Variants in VIPR2 observed in about 807,000 individuals in gnomAD.
VIPR2 encodes vasoactive intestinal peptide receptor 2, also known as vasoactive intestinal polypeptide receptor 2.
Under a neutral mutation model 58.0 loss-of-function variants are expected in VIPR2, and 48 were observed. That is an observed-to-expected ratio of 0.83 (90% CI 0.66 to 1.05). The LOEUF (loss-of-function observed/expected upper bound fraction) is 1.05. Ranked by LOEUF, VIPR2 falls within the 50% of genes least tolerant of loss-of-function variation. VIPR2 has a pLI of 0.00. For synonymous variants in VIPR2, 243 were observed against 235.2 expected (o/e 1.03, Z -0.30); for missense variants, 534 against 558.0 (o/e 0.96, Z 0.43).
rs182381569 is a variant in VIPR2 at position 159,030,100 on chromosome 7, C to T, written c.*516G>A. On this transcript the variant is annotated 3_prime_UTR_variant, in exon 13 of 13. Coordinates refer to ENST00000262178, the MANE Select transcript of VIPR2 (RefSeq NM_003382.5). ...AGTGGCTCACGCCTTAATCCCAGCACTTTGGGAGGCCGAGGCGGGCCCATC... is the reference window on the plus strand; with the variant it reads ...AGTGGCTCACGCCTTAATCCCAGCATTTTGGGAGGCCGAGGCGGGCCCATC... 65 of 153,040 alleles carry T rather than the reference C, an allele frequency of 4.2e-4. No homozygotes were observed. The highest frequency in any genetic ancestry group is 7.1e-4 in the Non-Finnish European group (49 of 68,596). The allele number at this position is 153,040 out of a possible 1,614,324, so 9.5% of individuals were successfully genotyped here. A position where few individuals can be genotyped will look rare whatever the true frequency, so the allele number is the denominator to read the frequency against.
rs1351834094 is a variant in VIPR2, at chr7:159,058,410, G to T, written c.455+71C>A. 1.3e-5 allele frequency: 17 copies of T among 1,352,540 alleles called. No homozygotes were observed. In the South Asian group the frequency reaches 1.9e-4, roughly 15 times the overall value. The allele number at this position is 1,352,540 out of a possible 1,614,324, so 83.8% of individuals were successfully genotyped here. Reference sequence around the variant, plus strand: ...CACAGAGGGCTCCAGGCTGGGTGGCGCCTAGAAGGCCTAAATGGAAACTTT... The same window carrying T: ...CACAGAGGGCTCCAGGCTGGGTGGCTCCTAGAAGGCCTAAATGGAAACTTT... On this transcript the variant is annotated intron_variant, in intron 5 of 12. Transcript: ENST00000262178.
chr7:159,058,473 C>T lies in VIPR2; in HGVS notation c.455+8G>A. On this transcript the variant is annotated splice_region_variant and intron_variant, in intron 5 of 12. Coordinates refer to ENST00000262178, the MANE Select transcript of VIPR2 (RefSeq NM_003382.5). ...TTCTTTGCAGAATTACTAATTTCTG[C>T]TCCTTACCTGAAGAGGCACAGAATT... 1 of 1,609,398 alleles carries T rather than the reference C, an allele frequency of 6.2e-7. No homozygotes were observed. The highest frequency in any genetic ancestry group is 8.5e-7 in the Non-Finnish European group (1 of 1,175,994).
chr7:159,072,106 C>T (rs1856437641), intron 4 of VIPR2, among the ~76,000 whole-genome samples: 2 of 147,018 alleles, frequency 1.4e-5, no homozygotes, highest in South Asian at 2.1e-4. Context: ...GATGAAGGCA[C>T]GATGGTACCG....
intron 2 of VIPR2, among the ~76,000 whole-genome samples, chr7:159,139,930 A>G (rs1461430167): frequency 1.3e-5 from 2 of 152,402 alleles, no homozygotes; most frequent in East Asian, 3.9e-4. Context: ...GGAGTGCCTC[A>G]TACACATATC....
intron 4 of VIPR2, among the ~76,000 whole-genome samples, chr7:159,101,831 T>A (rs1379065132): frequency 7.2e-6 from 1 of 138,174 alleles, no homozygotes; most frequent in Non-Finnish European, 1.5e-5. Context: ...GTTCCTGTGG[T>A]AGTGAACGGG....
intron 2 of VIPR2, among the ~76,000 whole-genome samples, chr7:159,132,690 CG>C (rs563969926): frequency 6.6e-6 from 1 of 152,084 alleles, no homozygotes; most frequent in Non-Finnish European, 1.5e-5. Flanking sequence ...CATTCACGGA[CG>C]GGCTCATTCA....
At chr7:159,078,284 C>CT (rs1049653185) in intron 4 of VIPR2, among the ~76,000 whole-genome samples, 5 of 151,626 alleles carry the variant, frequency 3.3e-5, no homozygotes, top group African/African-American at 7.3e-5. Flanking sequence ...AACTAGTAAC[C>CT]TTTTTTTTTG....
chr7:159,096,874 C>A lies in VIPR2; in HGVS notation c.357+6883G>T. The A allele has an allele frequency of 6.5e-7, 1 of 1,547,606 alleles. No homozygotes were observed. The highest frequency in any genetic ancestry group is 8.7e-7 in the Non-Finnish European group (1 of 1,145,516). On this transcript the variant is annotated intron_variant, in intron 4 of 12. Coordinates refer to ENST00000262178, the MANE Select transcript of VIPR2 (RefSeq NM_003382.5). This position sits in a 1 kb window ranked among gnomAD's most constrained non-coding sequence, Gnocchi z 5.5. Reference sequence around the variant, plus strand: ...GCCGTACTGTGTCCATGGCTGAGACCACCCTCTCTGTGGCCGCCTTGCTGT... The same window carrying A: ...GCCGTACTGTGTCCATGGCTGAGACAACCCTCTCTGTGGCCGCCTTGCTGT...
intron 2 of VIPR2, among the ~76,000 whole-genome samples, chr7:159,112,950 G>T (rs946400960): frequency 5.3e-5 from 8 of 151,764 alleles, no homozygotes; most frequent in Non-Finnish European, 1.2e-4. Flanking sequence ...CCCAACCGAG[G>T]ACCCCGACTG....
chr7:159,034,359 T>G, intron 9 of VIPR2, 55 bp from the exon 10 acceptor site: 1 of 1,575,736 alleles, frequency 6.3e-7, no homozygotes, highest in African/African-American at 1.4e-5. Flanking sequence ...TAATTTGCCC[T>G]GAAGTCCACC....
rs756808763 is a variant in VIPR2, at chr7:159,030,748, C to T, written c.1185G>A (p.Pro395=). Residue 395 remains proline (P), a synonymous_variant, in exon 13 of 13, where the codon CCG becomes CCA. Transcript: ENST00000262178. ...TGTAATCCCGGCTCGCGGACGGGGT[C>T]GGGCACCGGCTTCGCCATTTTCGCT... ...ELKRKWRSRC[P]TPSASRDYRV... is the part of the protein sequence containing the mutation. 1.4e-5 allele frequency: 22 copies of T among 1,589,140 alleles called. No individual in the cohort carries two copies. The highest frequency in any genetic ancestry group is 1.9e-5 in the Non-Finnish European group (22 of 1,169,882).
rs571770319 is a variant in VIPR2, at chr7:159,144,535, G to A, written c.51+186C>T. 1.3e-5 allele frequency: 20 copies of A among 1,509,520 alleles called. No individual in the cohort carries two copies. In the South Asian group the frequency reaches 2.1e-4, roughly 16 times the overall value. The allele number at this position is 1,509,520 out of a possible 1,614,324, so 93.5% of individuals were successfully genotyped here. A position where few individuals can be genotyped will look rare whatever the true frequency, so the allele number is the denominator to read the frequency against. On this transcript the variant is annotated intron_variant, in intron 1 of 12. Transcript: ENST00000262178. Reference sequence around the variant, plus strand: ...CCGAGTCCCGCAACCCGGCGGGACCGGAGCTCAGCGCTTCACGCTCTCCGG... The same window carrying A: ...CCGAGTCCCGCAACCCGGCGGGACCAGAGCTCAGCGCTTCACGCTCTCCGG...
At position 159,030,762 on chromosome 7, in the gene VIPR2, G is replaced by A. The variant is rs1853507834; in HGVS notation, c.1171C>T (p.Arg391Ter). The change falls in exon 13 of 13, where the codon CGA becomes TGA. Residue 391 changes from arginine (R) to a stop codon, truncating the protein, a stop_gained. Transcript: ENST00000262178. LOFTEE classifies it low-confidence loss of function (END_TRUNC). ...GCGGACGGGGTCGGGCACCGGCTTC[G>A]CCATTTTCGCTTCAGCTCGCACTGC... ...EVQCELKRKWRSRCPTPSASR... is the reference protein window; with the variant it reads ...EVQCELKRKW 2.5e-6 allele frequency: 4 copies of A among 1,593,084 alleles called. No individual in the cohort carries two copies. The highest frequency in any genetic ancestry group is 2.3e-5 in the East Asian group (1 of 43,642).
intron 4 of VIPR2, among the ~76,000 whole-genome samples, chr7:159,090,081 A>ACG (rs1857377612): frequency 1.3e-5 from 2 of 148,940 alleles, no homozygotes; most frequent in African/African-American, 5.1e-5. Context: ...CGCTGGGACC[A>ACG]CACACAGGGG....
intron 7 of VIPR2, 119 bp downstream of exon 7, chr7:159,036,633 T>C: frequency 6.2e-6 from 8 of 1,280,832 alleles, no homozygotes; most frequent in Non-Finnish European, 6.4e-6. Context: ...CTCTTCATGA[T>C]ATGACCCTGA....
At chr7:159,132,505 A>G (rs1796961607) in intron 2 of VIPR2, among the ~76,000 whole-genome samples, 1 of 152,236 alleles carries the variant, frequency 6.6e-6, no homozygotes, top group South Asian at 2.1e-4. Context: ...AAAACAGGGA[A>G]TTATGGGTTC....
intron 4 of VIPR2, among the ~76,000 whole-genome samples, chr7:159,094,442 G>A (rs944175000): frequency 6.6e-6 from 1 of 152,208 alleles, no homozygotes; most frequent in Admixed American, 6.5e-5. Flanking sequence ...AGCCAGGGCT[G>A]GCACTCAGGA....
chr7:159,124,309 A>G (rs1327826398), intron 2 of VIPR2, among the ~76,000 whole-genome samples: 1 of 151,984 alleles, frequency 6.6e-6, no homozygotes, highest in Non-Finnish European at 1.5e-5. Flanking sequence ...AACCATCTTG[A>G]GTTGATTTTT....
At chr7:159,043,231 G>T in intron 5 of VIPR2, 55 bp from the exon 6 acceptor site, 1 of 1,316,642 alleles carries the variant, frequency 7.6e-7, no homozygotes, top group Non-Finnish European at 1.1e-6. Flanking sequence ...GAGGGAGGGA[G>T]AGAGAACCAG....
Sources: gnomAD v4.1 joint callset for allele counts (sites outside exome capture counted in the v4.1 genomes callset) on GRCh38, gnomAD v4.1.1 for gene constraint, Gnocchi (gnomAD v3.1) non-coding constraint, MANE v1.5 for transcripts, NCBI Gene and HGNC (gene_info 2026-07-23, HGNC 2026-07-21) for gene names.